MTHFD1L: variants seen among roughly 807,000 people sequenced by gnomAD.
The protein encoded by MTHFD1L is monofunctional C1-tetrahydrofolate synthase, mitochondrial.
A neutral mutation model predicts 119.5 loss-of-function variants in MTHFD1L; 81 were observed. That is an observed-to-expected ratio of 0.68 (90% CI 0.57 to 0.82). The LOEUF (loss-of-function observed/expected upper bound fraction) is 0.82, where lower values mean the gene tolerates loss of function less well. Among genes scored for constraint, MTHFD1L ranks in the 40% least tolerant of loss-of-function variants. The pLI, the probability that MTHFD1L is intolerant of heterozygous loss-of-function variation, is 0.00. For missense variants in MTHFD1L, 1,125 were observed against 1,253.4 expected, an observed-to-expected ratio of 0.90 and a Z score of 1.55; for synonymous variants, 430 against 475.2, an observed-to-expected ratio of 0.90 and a Z score of 1.24.
chr6:151,087,713 A>C (rs1793959152), intron 26 of MTHFD1L, among the ~76,000 whole-genome samples: 1 of 152,242 alleles, frequency 6.6e-6, no homozygotes. Context: ...GACTAGTTTT[A>C]AATATATGAC....
At position 150,932,681 on chromosome 6, in the gene MTHFD1L, T is replaced by C. The variant is rs146055934; in HGVS notation, c.1257-4123T>C. 9.4e-3 allele frequency among the ~76,000 whole-genome samples: 1,426 copies of C among 151,834 alleles called. 22 individuals are homozygous for C. The highest frequency in any genetic ancestry group is 0.033 in the African/African-American group (1,351 of 41,358). The stretch of plus-strand genomic sequence containing the variant: ...TACTCAGGAGGCCGAGGCAGGAGAA[T>C]TGCTTGAACCTGGGAGGCAGAGATT... On this transcript the variant is annotated intron_variant, in intron 11 of 27. Transcript: ENST00000367321.
chr6:150,872,209 A>G (rs141437242), intron 1 of MTHFD1L, among the ~76,000 whole-genome samples: 1,837 of 152,208 alleles, frequency 0.012, 36 homozygotes, highest in African/African-American at 0.042. Context: ...TTGTGTATCC[A>G]CGGGAGTAGC....
intron 26 of MTHFD1L, among the ~76,000 whole-genome samples, chr6:151,080,984 G>T (rs1793087517): frequency 6.6e-6 from 1 of 152,150 alleles, no homozygotes; most frequent in South Asian, 2.1e-4. Flanking sequence ...GCTCCCTACA[G>T]CCTCGACTTC....
intron 1 of MTHFD1L, among the ~76,000 whole-genome samples, chr6:150,868,961 T>C (rs886301110): frequency 2.0e-5 from 3 of 152,168 alleles, no homozygotes; most frequent in African/African-American, 7.2e-5. Flanking sequence ...CTCAGAAGGC[T>C]GAGGCAGGAG....
At chr6:150,898,152 A>C (rs1423029962) in intron 7 of MTHFD1L, among the ~76,000 whole-genome samples, 1 of 152,168 alleles carries the variant, frequency 6.6e-6, no homozygotes, top group African/African-American at 2.4e-5. Context: ...CCAGTATTAG[A>C]ATCTTTTAAT....
chr6:150,956,358 C>A (rs1738589), intron 17 of MTHFD1L, among the ~76,000 whole-genome samples: 4 of 151,880 alleles, frequency 2.6e-5, no homozygotes, highest in Admixed American at 6.6e-5. Flanking sequence ...AATATAAATT[C>A]TCACTTATTT....
chr6:150,942,558 C>T (rs1416854962), intron 13 of MTHFD1L, among the ~76,000 whole-genome samples: 1 of 152,044 alleles, frequency 6.6e-6, no homozygotes, highest in Non-Finnish European at 1.5e-5. Context: ...AATATACCCT[C>T]ACATAGTTTA....
chr6:151,069,280 TCC>T (rs1554297632), intron 26 of MTHFD1L, among the ~76,000 whole-genome samples: 3 of 147,960 alleles, frequency 2.0e-5, no homozygotes, highest in Admixed American at 6.8e-5. Context: ...TCTCTCTCTC[TCC>T]CTCCCTCTCT....
chr6:151,081,049 AG>A (rs1193118278), intron 26 of MTHFD1L, among the ~76,000 whole-genome samples: 2 of 152,118 alleles, frequency 1.3e-5, no homozygotes, highest in East Asian at 3.9e-4. Context: ...AGGGGTTTTG[AG>A]GGGATGCAGT....
intron 26 of MTHFD1L, among the ~76,000 whole-genome samples, chr6:151,059,865 C>A (rs1224971247): frequency 6.6e-6 from 1 of 152,158 alleles, no homozygotes; most frequent in Non-Finnish European, 1.5e-5. Flanking sequence ...GCTTTATTTA[C>A]GAGCGAGTTG....
chr6:150,925,539 G>A (rs867016611), intron 10 of MTHFD1L, among the ~76,000 whole-genome samples: 2 of 152,182 alleles, frequency 1.3e-5, no homozygotes, highest in East Asian at 1.9e-4. Context: ...TCCTTTTACC[G>A]ACAGTTATGT....
At chr6:150,967,356 G>T (rs1380339986) in intron 19 of MTHFD1L, among the ~76,000 whole-genome samples, 1 of 152,148 alleles carries the variant, frequency 6.6e-6, no homozygotes, top group Non-Finnish European at 1.5e-5. Flanking sequence ...CCCTCCCCAG[G>T]CCTGCTCGCT....
chr6:151,034,795 C>T (rs1361404154), intron 25 of MTHFD1L, among the ~76,000 whole-genome samples, 195 bp downstream of exon 25: 1 of 152,226 alleles, frequency 6.6e-6, no homozygotes. Flanking sequence ...CATATATCCT[C>T]TGATCCATGC....
intron 27 of MTHFD1L, among the ~76,000 whole-genome samples, chr6:151,094,253 T>C (rs73622489): frequency 0.12 from 18,205 of 152,250 alleles, 2,117 homozygotes; most frequent in African/African-American, 0.3. Context: ...GATGAGCTTT[T>C]GTGGCCTAAA....
intron 21 of MTHFD1L, among the ~76,000 whole-genome samples, chr6:151,012,193 T>A (rs951239776): frequency 1.3e-5 from 2 of 152,064 alleles, no homozygotes; most frequent in African/African-American, 4.8e-5. Context: ...AGGGACTGTG[T>A]CTTATTAATT....
rs191966635 is a variant in MTHFD1L at position 150,955,100 on chromosome 6, A to G, written c.1727-895A>G. Reference sequence around the variant, plus strand: ...ATTCATGGCATTAAATACATTCACAATGATTGCACTATCATCACTATCTAT... The same window carrying G: ...ATTCATGGCATTAAATACATTCACAGTGATTGCACTATCATCACTATCTAT... On this transcript the variant is annotated intron_variant, in intron 16 of 27. Coordinates refer to ENST00000367321, the MANE Select transcript of MTHFD1L (RefSeq NM_015440.5). Among the ~76,000 whole-genome samples, 914 of 152,264 alleles carry G rather than the reference A, an allele frequency of 6.0e-3. 13 individuals carry two copies. The highest frequency in any genetic ancestry group is 0.021 in the African/African-American group (882 of 41,528).
intron 26 of MTHFD1L, among the ~76,000 whole-genome samples, chr6:151,076,874 G>A (rs78785417): frequency 2.6e-3 from 392 of 152,246 alleles, no homozygotes; most frequent in African/African-American, 9.1e-3. Context: ...GTAAAGATCC[G>A]TGCATGAATG....
intron 26 of MTHFD1L, among the ~76,000 whole-genome samples, chr6:151,056,799 G>C (rs1196847078): frequency 6.6e-6 from 1 of 152,156 alleles, no homozygotes; most frequent in Admixed American, 6.5e-5. Flanking sequence ...CTGTGTGCTT[G>C]TCTGTTTCCC....
chr6:150,962,914 C>CTTTTTTTTTTTT (rs4035893), intron 18 of MTHFD1L, among the ~76,000 whole-genome samples: 7 of 114,144 alleles, frequency 6.1e-5, no homozygotes, highest in African/African-American at 2.0e-4. Flanking sequence ...CTTTTCTTTT[C>CTTTTTTTTTTTT]TTTTTTTTTT....
Sources: allele counts gnomAD v4.1 joint callset (sites outside exome capture counted in the v4.1 genomes callset), GRCh38; gene constraint gnomAD v4.1.1; transcripts MANE v1.5; gene names NCBI Gene and HGNC (gene_info 2026-07-23, HGNC 2026-07-21).